CELF2: variants seen among roughly 807,000 people sequenced by gnomAD.
CELF2 encodes the protein CUG triplet repeat RNA-binding protein 2.
CELF2 carries 8 observed loss-of-function variants against 62.6 expected under a neutral mutation model. That is an observed-to-expected ratio of 0.13 (90% CI 0.07 to 0.23). The LOEUF (loss-of-function observed/expected upper bound fraction) is 0.23. CELF2 is among the 10% of genes least tolerant of loss of function. The probability of loss-of-function intolerance (pLI) is 1.00; values close to 1 mark genes in which losing one functional copy is unlikely to be tolerated. For synonymous variants in CELF2, 258 were observed against 250.0 expected (o/e 1.03, Z -0.30); for missense variants, 333 against 671.0 (o/e 0.50, Z 5.56).
intron 1 of CELF2, among the ~76,000 whole-genome samples, chr10:11,032,582 C>T (rs1038192336): frequency 3.9e-5 from 6 of 152,118 alleles, no homozygotes; most frequent in African/African-American, 7.2e-5. Flanking sequence ...TTTATGATGG[C>T]ATCGTTGTTT....
At chr10:10,882,047 C>T (rs1051044232) in intron 1 of CELF2, among the ~76,000 whole-genome samples, 3 of 152,208 alleles carry the variant, frequency 2.0e-5, no homozygotes, top group Non-Finnish European at 2.9e-5. Flanking sequence ...GCAAAGCCAG[C>T]GGATTGCTAT....
At position 11,244,885 on chromosome 10, in the gene CELF2, A is replaced by G. The variant is rs1170042334; in HGVS notation, c.355-4268A>G. Among the ~76,000 whole-genome samples the G allele has an allele frequency of 2.0e-5, 3 of 152,170 alleles. No homozygotes were observed. The highest frequency in any genetic ancestry group is 2.9e-5 in the Non-Finnish European group (2 of 68,030). The stretch of plus-strand genomic sequence containing the variant: ...TAGCTTCATCTGAGACGCCTTCCCC[A>G]GCGTGTCCTTCCTCCATCTGTGTCT... On this transcript the variant is annotated intron_variant, in intron 3 of 12. Transcript: ENST00000633077. This position sits in a 1 kb window ranked among gnomAD's most constrained non-coding sequence, Gnocchi z 4.2.
intron 2 of CELF2, among the ~76,000 whole-genome samples, chr10:11,194,481 A>T (rs1259181429): frequency 1.3e-5 from 2 of 152,186 alleles, no homozygotes; most frequent in African/African-American, 4.8e-5. Flanking sequence ...CTTTGCATTC[A>T]TACAGTCCCC....
intron 2 of CELF2, among the ~76,000 whole-genome samples, chr10:11,205,101 A>G (rs1170892128): frequency 6.6e-6 from 1 of 152,248 alleles, no homozygotes; most frequent in Non-Finnish European, 1.5e-5. Context: ...GAGGTCACGT[A>G]AATGGATGTT....
At chr10:11,256,664 T>C (rs2078853826) in intron 4 of CELF2, among the ~76,000 whole-genome samples, 1 of 71,746 alleles carries the variant, frequency 1.4e-5, no homozygotes, top group Non-Finnish European at 3.1e-5. Flanking sequence ...TGTGATGTCC[T>C]TAAAAAAAAA....
At chr10:10,651,816 TCTC>T in the CELF2 span, among the ~76,000 whole-genome samples, 18 of 151,398 alleles carry the variant, frequency 1.2e-4, no homozygotes, top group East Asian at 5.8e-4. Flanking sequence ...GCAGAGCGCC[TCTC>T]CTCCTCCAAA....
chr10:11,295,868 C>T (rs758795717), intron 9 of CELF2, among the ~76,000 whole-genome samples: 2 of 152,064 alleles, frequency 1.3e-5, no homozygotes, highest in Admixed American at 6.5e-5. Flanking sequence ...TTTGAGGGCC[C>T]CTTGTGTGGA....
rs184699182 is a variant in CELF2 at position 11,214,770 on chromosome 10, C to G, written c.272-2655C>G. On this transcript the variant is annotated intron_variant, in intron 2 of 12. Coordinates refer to ENST00000633077, the MANE Select transcript of CELF2 (RefSeq NM_001326342.2). This position sits in a 1 kb window ranked among gnomAD's most constrained non-coding sequence, Gnocchi z 4.2. ...GAATACCTGTTTAGATGAGTGTACA[C>G]TTTTAACTGAAACACTTAAGAACTA... is the stretch of plus-strand genomic sequence containing the variant. 1.3e-5 allele frequency among the ~76,000 whole-genome samples: 2 copies of G among 152,342 alleles called. No individual in the cohort carries two copies.
At chr10:10,539,910 T>C in the CELF2 span, among the ~76,000 whole-genome samples, 1 of 152,238 alleles carries the variant, frequency 6.6e-6, no homozygotes, top group Non-Finnish European at 1.5e-5. Flanking sequence ...GATTTTTATT[T>C]CTTTTTCCCT....
the CELF2 span, among the ~76,000 whole-genome samples, chr10:10,659,658 C>T: frequency 6.6e-6 from 1 of 152,124 alleles, no homozygotes; most frequent in Non-Finnish European, 1.5e-5. Flanking sequence ...CCCTGCATAC[C>T]CTAAACAGAA....
In CELF2 at chr10:11,056,210, T is replaced by A. The variant is rs546134888; in HGVS notation, c.74+38047T>A. ...GCTCTTTAAAATGTATTCATAATCA[T>A]TCTAATAATTCATTCTGCATATAGA... On this transcript the variant is annotated intron_variant, in intron 1 of 12. Transcript: ENST00000633077. Among the ~76,000 whole-genome samples, 3 of 152,356 alleles carry A rather than the reference T, an allele frequency of 2.0e-5. No homozygotes were observed. In the South Asian group the frequency reaches 6.2e-4, roughly 32 times the overall value.
chr10:10,883,924 CCTT>C (rs1236616462), intron 1 of CELF2, among the ~76,000 whole-genome samples: 1 of 151,762 alleles, frequency 6.6e-6, no homozygotes, highest in Non-Finnish European at 1.5e-5. Context: ...TCCTCCTCCT[CCTT>C]CTCCTCCTCC....
intron 1 of CELF2, among the ~76,000 whole-genome samples, chr10:11,083,318 A>G (rs1047733572): frequency 1.4e-4 from 21 of 152,212 alleles, no homozygotes; most frequent in Non-Finnish European, 3.1e-4. Context: ...ACAAATGTGT[A>G]TTTCAGCTTC....
intron 1 of CELF2, among the ~76,000 whole-genome samples, chr10:11,099,529 A>G (rs907882194): frequency 4.6e-5 from 7 of 152,176 alleles, no homozygotes; most frequent in Non-Finnish European, 1.5e-5. Context: ...AGATGGATTA[A>G]AAAGGGGACT....
chr10:11,234,959 A>G (rs2070576925), intron 3 of CELF2, among the ~76,000 whole-genome samples: 1 of 152,192 alleles, frequency 6.6e-6, no homozygotes, highest in Admixed American at 6.5e-5. Context: ...TTTCTTATTC[A>G]GTCCTCACAA....
At chr10:10,847,158 A>G (rs914420266) in intron 1 of CELF2, among the ~76,000 whole-genome samples, 26 of 151,810 alleles carry the variant, frequency 1.7e-4, no homozygotes, top group African/African-American at 5.8e-4. Flanking sequence ...TATATTAGGT[A>G]TATATATAAA....
intron 1 of CELF2, among the ~76,000 whole-genome samples, chr10:11,076,368 G>C (rs930596209): frequency 3.9e-5 from 6 of 152,164 alleles, no homozygotes; most frequent in Non-Finnish European, 7.4e-5. Flanking sequence ...TTGCTATGGG[G>C]GTGCATTAGC....
At chr10:11,042,460 T>C (rs1006641776) in intron 1 of CELF2, among the ~76,000 whole-genome samples, 2 of 152,212 alleles carry the variant, frequency 1.3e-5, no homozygotes, top group African/African-American at 4.8e-5. Context: ...ACATTGATGT[T>C]TATTCTGACA....
intron 1 of CELF2, among the ~76,000 whole-genome samples, chr10:10,904,702 T>C (rs2063199672): frequency 6.6e-6 from 1 of 152,226 alleles, no homozygotes; most frequent in Non-Finnish European, 1.5e-5. Flanking sequence ...TCTGGTACAC[T>C]TGGGGAGGGT....
Sources: allele counts gnomAD v4.1 joint callset (sites outside exome capture counted in the v4.1 genomes callset), GRCh38; gene constraint gnomAD v4.1.1; non-coding constraint Gnocchi (gnomAD v3.1); transcripts MANE v1.5; gene names NCBI Gene and HGNC (gene_info 2026-07-23, HGNC 2026-07-21).